The following PPARA variants were observed in gnomAD, a reference collection of about 807,000 sequenced individuals.
PPARA encodes the protein peroxisome proliferator-activated receptor alpha.
A neutral mutation model predicts 42.2 loss-of-function variants in PPARA; 22 were observed. The ratio of observed to expected loss-of-function variants is 0.52; its 90% CI spans 0.37 to 0.74. The LOEUF is 0.74. Among genes scored for constraint, PPARA ranks in the 30% least tolerant of loss-of-function variants. The probability of loss-of-function intolerance (pLI) is 0.00; values close to 1 mark genes in which losing one functional copy is unlikely to be tolerated. For missense variants in PPARA, 465 were observed against 608.2 expected, an observed-to-expected ratio of 0.76 and a Z score of 2.48; for synonymous variants, 242 against 239.3, an observed-to-expected ratio of 1.01 and a Z score of -0.10.
intron 4 of PPARA, among the ~76,000 whole-genome samples, chr22:46,210,773 G>A (rs1933856103): frequency 6.6e-6 from 1 of 152,086 alleles, no homozygotes; most frequent in South Asian, 2.1e-4. Flanking sequence ...CATATGTTGG[G>A]AACTTTATTG....
At chr22:46,185,098 T>C (rs1030607268) in intron 3 of PPARA, among the ~76,000 whole-genome samples, 2 of 152,170 alleles carry the variant, frequency 1.3e-5, no homozygotes, top group African/African-American at 2.4e-5. Flanking sequence ...CTGTGCTCCA[T>C]GTTCTTGCTT....
chr22:46,218,027 C>T (rs546236411), intron 5 of PPARA, among the ~76,000 whole-genome samples: 2 of 151,770 alleles, frequency 1.3e-5, no homozygotes, highest in African/African-American at 4.8e-5. Flanking sequence ...GACAGGGTTG[C>T]ACCATGTTGG....
At position 46,203,461 on chromosome 22, in the gene PPARA, A is replaced by G. The variant is rs898215084; in HGVS notation, c.208+4870A>G. Among the ~76,000 whole-genome samples, 5 of 152,132 alleles carry G rather than the reference A, an allele frequency of 3.3e-5. No individual in the cohort carries two copies. The East Asian group carries it at 9.6e-4, about 29-fold the overall frequency. ...AAACTGCATGTATTTAAAGTGTACA[A>G]TCTGTTGGGTGTACACACACACGCA... On this transcript the variant is annotated intron_variant, in intron 4 of 8. Coordinates refer to ENST00000407236, the MANE Select transcript of PPARA (RefSeq NM_005036.6). This position sits in a 1 kb window ranked among gnomAD's most constrained non-coding sequence, Gnocchi z 5.8.
At position 46,232,364 on chromosome 22, in the gene PPARA, A is replaced by C; in HGVS notation, c.1159+125A>C. ...GTGGAGGGGACACTCACATGGTGGGAAGACGTCTGACCCCCAGTCACTGCT... is the reference window on the plus strand; with the variant it reads ...GTGGAGGGGACACTCACATGGTGGGCAGACGTCTGACCCCCAGTCACTGCT... On this transcript the variant is annotated intron_variant, in intron 8 of 8. Transcript: ENST00000407236. This position sits in a 1 kb window ranked among gnomAD's most constrained non-coding sequence, Gnocchi z 5.3. 1 of 914,280 alleles carries C rather than the reference A, an allele frequency of 1.1e-6. No individual in the cohort carries two copies. The highest frequency in any genetic ancestry group is 1.3e-5 in the South Asian group (1 of 75,694). 56.6% of individuals were successfully genotyped at this position (914,280 alleles called of 1,614,324 possible). A position where few individuals can be genotyped will look rare whatever the true frequency, so the allele number is the denominator to read the frequency against.
intron 7 of PPARA, among the ~76,000 whole-genome samples, chr22:46,229,828 C>T (rs979904431): frequency 6.6e-6 from 1 of 152,188 alleles, no homozygotes; most frequent in Non-Finnish European, 1.5e-5. Flanking sequence ...AGAATCAGGG[C>T]TTTTTGTCCA....
chr22:46,205,538 A>T (rs1183322327), intron 4 of PPARA, among the ~76,000 whole-genome samples: 2 of 30,690 alleles, frequency 6.5e-5, no homozygotes, highest in Non-Finnish European at 1.2e-4. Context: ...ATATATATAT[A>T]TATATATATA....
At position 46,237,694 on chromosome 22, in the gene PPARA, T is replaced by C. The variant is rs992016215; in HGVS notation, c.*2314T>C. 2.6e-5 allele frequency: 4 copies of C among 152,194 alleles called. No individual in the cohort carries two copies. The highest frequency in any genetic ancestry group is 9.7e-5 in the African/African-American group (4 of 41,446). The allele number at this position is 152,194 out of a possible 1,614,324, so 9.4% of individuals were successfully genotyped here. A position where few individuals can be genotyped will look rare whatever the true frequency, so the allele number is the denominator to read the frequency against. ...CGGCGGGCAGTCTGCCCAAGTGTCT[T>C]AGGAACCAAAAGCAAATAAAAGTGT... On this transcript the variant is annotated 3_prime_UTR_variant, in exon 9 of 9. Transcript: ENST00000407236. The surrounding 1 kb of genome is among the most constrained non-coding windows in gnomAD (Gnocchi z 6.7).
chr22:46,228,579 G>T (rs920933442), intron 7 of PPARA, among the ~76,000 whole-genome samples: 4 of 152,080 alleles, frequency 2.6e-5, no homozygotes, highest in Non-Finnish European at 5.9e-5. Context: ...TTTTTGCTCT[G>T]GGTCCTGTAA....
rs1264721623 is a variant in PPARA at position 46,200,570 on chromosome 22, G to A, written c.208+1979G>A. Reference sequence around the variant, plus strand: ...ACAGTTGAACTTATGGTCTATTGTTGACCAAAATGTCACTGTGCAGTGTGT... The same window carrying A: ...ACAGTTGAACTTATGGTCTATTGTTAACCAAAATGTCACTGTGCAGTGTGT... On this transcript the variant is annotated intron_variant, in intron 4 of 8. Transcript: ENST00000407236. The surrounding 1 kb of genome is among the most constrained non-coding windows in gnomAD (Gnocchi z 4.8). 6.6e-6 allele frequency among the ~76,000 whole-genome samples: 1 copy of A among 152,248 alleles called. No individual in the cohort carries two copies. The highest frequency in any genetic ancestry group is 6.5e-5 in the Admixed American group (1 of 15,286).
In PPARA at chr22:46,198,736, C is replaced by T. The variant is rs575060403; in HGVS notation, c.208+145C>T. ...AGTGCAATGGCTCGATCTCGGCTCACTGCAGGCTCCACCTCCTGGGTTCAC... is the reference window on the plus strand; with the variant it reads ...AGTGCAATGGCTCGATCTCGGCTCATTGCAGGCTCCACCTCCTGGGTTCAC... On this transcript the variant is annotated intron_variant, in intron 4 of 8. Coordinates refer to ENST00000407236, the MANE Select transcript of PPARA (RefSeq NM_005036.6). 242 of 829,796 alleles carry T rather than the reference C, an allele frequency of 2.9e-4. 2 individuals are homozygous for T. In the South Asian group the frequency reaches 3.5e-3, roughly 12 times the overall value. The allele number at this position is 829,796 out of a possible 1,614,324, so 51.4% of individuals were successfully genotyped here.
rs1474745876 is a variant in PPARA at position 46,241,711 on chromosome 22, C to G, written c.*6331C>G. On this transcript the variant is annotated 3_prime_UTR_variant, in exon 9 of 9. Coordinates refer to ENST00000407236, the MANE Select transcript of PPARA (RefSeq NM_005036.6). The surrounding 1 kb of genome is among the most constrained non-coding windows in gnomAD (Gnocchi z 5.7). ...GTATAATCAGTTACTTTTCTCCCCC[C>G]AGAGAAACCCTTTTGTGAGGGGAGA... is the stretch of plus-strand genomic sequence containing the variant. The G allele has an allele frequency of 6.6e-6, 1 of 152,092 alleles. No homozygotes were observed. Among genetic ancestry groups the G allele is most frequent in the Non-Finnish European group, 1.5e-5 (1 of 68,016 alleles). 9.4% of individuals were successfully genotyped at this position (152,092 alleles called of 1,614,324 possible).
rs1278563411 is a variant in PPARA, at chr22:46,237,239, A to G, written c.*1859A>G. ...AAGGACACAGTGTGAGACTTCCACT[A>G]GAAAAAAGTGAAAGTTAGGGTTAGG... On this transcript the variant is annotated 3_prime_UTR_variant, in exon 9 of 9. Transcript: ENST00000407236. The surrounding 1 kb of genome is among the most constrained non-coding windows in gnomAD (Gnocchi z 6.7). The G allele has an allele frequency of 6.6e-6, 1 of 152,052 alleles. No homozygotes were observed. The highest frequency in any genetic ancestry group is 1.9e-4 in the East Asian group (1 of 5,198). The allele number at this position is 152,052 out of a possible 1,614,324, so 9.4% of individuals were successfully genotyped here.
rs1205323249 is a variant in PPARA, at chr22:46,196,087, G to T, written c.-42-2255G>T. On this transcript the variant is annotated intron_variant, in intron 3 of 8. Coordinates refer to ENST00000407236, the MANE Select transcript of PPARA (RefSeq NM_005036.6). This position sits in a 1 kb window ranked among gnomAD's most constrained non-coding sequence, Gnocchi z 5.6. ...AGAACAGTGACAAGTGCACAGTCGG[G>T]TAGGGACAAATGTGGAAGGGCTGGG... Among the ~76,000 whole-genome samples the T allele has an allele frequency of 1.3e-5, 2 of 152,208 alleles. No homozygotes were observed. Among genetic ancestry groups the T allele is most frequent in the East Asian group, 3.9e-4 (2 of 5,188 alleles).
In PPARA at chr22:46,231,867, A is replaced by T; in HGVS notation, c.787A>T (p.Ile263Phe). 1 of 1,614,186 alleles carries T rather than the reference A, an allele frequency of 6.2e-7. No individual in the cohort carries two copies. Among genetic ancestry groups the T allele is most frequent in the South Asian group, 1.1e-5 (1 of 91,084 alleles). The change falls in exon 8 of 9, where the codon ATC becomes TTC. Residue 263 changes from isoleucine to phenylalanine, a missense_variant. By Grantham distance (21) the Ile-to-Phe change is conservative. This residue lies in a region of PPARA where 313 missense variants were observed against 469.1 expected (regional missense o/e 0.67). Transcript: ENST00000407236. The surrounding 1 kb of genome is among the most constrained non-coding windows in gnomAD (Gnocchi z 7.7). The part of the protein sequence containing the change: ...TLVAKLVANG[I>F]QNKEAEVRIF... ...GGTGGCCAAGCTGGTGGCCAATGGCATCCAGAACAAGGAGGCGGAGGTCCG... is the reference window on the plus strand; with the variant it reads ...GGTGGCCAAGCTGGTGGCCAATGGCTTCCAGAACAAGGAGGCGGAGGTCCG...
At position 46,195,939 on chromosome 22, in the gene PPARA, C is replaced by T. The variant is rs747042175; in HGVS notation, c.-42-2403C>T. Among the ~76,000 whole-genome samples the T allele has an allele frequency of 7.2e-5, 11 of 152,256 alleles. No homozygotes were observed. Among genetic ancestry groups the T allele is most frequent in the South Asian group, 2.1e-4 (1 of 4,818 alleles). Reference sequence around the variant, plus strand: ...TCAGCTGGGTTCAGGGAGGTGGACCCGAGGCAGAGCCTCTAGAAGGCAGCG... The same window carrying T: ...TCAGCTGGGTTCAGGGAGGTGGACCTGAGGCAGAGCCTCTAGAAGGCAGCG... On this transcript the variant is annotated intron_variant, in intron 3 of 8. Transcript: ENST00000407236. This position sits in a 1 kb window ranked among gnomAD's most constrained non-coding sequence, Gnocchi z 4.6.
rs1019329221 is a variant in PPARA, at chr22:46,211,479, G to A, written c.209-3694G>A. ...TTCGGTGCAGCGCCTTTCCGCACCT[G>A]CACCCACTTTTTCCCCTGAGATTGT... On this transcript the variant is annotated intron_variant, in intron 4 of 8. Transcript: ENST00000407236. The surrounding 1 kb of genome is among the most constrained non-coding windows in gnomAD (Gnocchi z 4.1). Among the ~76,000 whole-genome samples the A allele has an allele frequency of 4.6e-5, 7 of 152,140 alleles. No individual in the cohort carries two copies. The highest frequency in any genetic ancestry group is 9.7e-5 in the African/African-American group (4 of 41,440).
rs905417405 is a variant in PPARA at position 46,203,814 on chromosome 22, C to T, written c.208+5223C>T. On this transcript the variant is annotated intron_variant, in intron 4 of 8. Transcript: ENST00000407236. This position sits in a 1 kb window ranked among gnomAD's most constrained non-coding sequence, Gnocchi z 5.8. ...TGCCCAGGTGGGTCCCCGTCCCTTGCGGGCCTGTCCAGACAAGGGAACCCT... is the reference window on the plus strand; with the variant it reads ...TGCCCAGGTGGGTCCCCGTCCCTTGTGGGCCTGTCCAGACAAGGGAACCCT... Among the ~76,000 whole-genome samples, 1 of 152,210 alleles carries T rather than the reference C, an allele frequency of 6.6e-6. No individual in the cohort carries two copies.
At chr22:46,154,741 C>T (rs1387054914) in intron 2 of PPARA, among the ~76,000 whole-genome samples, 2 of 151,610 alleles carry the variant, frequency 1.3e-5, no homozygotes, top group East Asian at 3.9e-4. Flanking sequence ...TGCATGATCA[C>T]GGCCTATTGC....
Position 46,212,064 on chromosome 22 carries a change from T to G in PPARA, c.209-3109T>G, listed in dbSNP as rs1399002275. On this transcript the variant is annotated intron_variant, in intron 4 of 8. Coordinates refer to ENST00000407236, the MANE Select transcript of PPARA (RefSeq NM_005036.6). The surrounding 1 kb of genome is among the most constrained non-coding windows in gnomAD (Gnocchi z 4.2). Reference sequence around the variant, plus strand: ...TTCCCTCTCCTCTCTTCTCCTCTCCTCTCCTTTGATGGAGGTCTCACTGTG... The same window carrying G: ...TTCCCTCTCCTCTCTTCTCCTCTCCGCTCCTTTGATGGAGGTCTCACTGTG... 1.4e-5 allele frequency among the ~76,000 whole-genome samples: 2 copies of G among 147,578 alleles called. No individual in the cohort carries two copies. Among genetic ancestry groups the G allele is most frequent in the African/African-American group, 5.0e-5 (2 of 39,750 alleles).
Sources: gnomAD v4.1 joint callset for allele counts (sites outside exome capture counted in the v4.1 genomes callset) on GRCh38, gnomAD v4.1.1 for gene constraint, gnomAD v4.1.1 regional missense constraint, Gnocchi (gnomAD v3.1) non-coding constraint, MANE v1.5 for transcripts, NCBI Gene and HGNC (gene_info 2026-07-23, HGNC 2026-07-21) for gene names.